The following TEAD1 variants were observed in gnomAD, a reference collection of about 807,000 sequenced individuals.
TEAD1 encodes TEA domain transcription factor 1.
Under a neutral mutation model 54.9 loss-of-function variants are expected in TEAD1, and 9 were observed. That is an observed-to-expected ratio of 0.16 (90% CI 0.10 to 0.29). The LOEUF (loss-of-function observed/expected upper bound fraction) is 0.29, where lower values mean the gene tolerates loss of function less well. Ranked by LOEUF, TEAD1 falls within the 10% of genes least tolerant of loss-of-function variation. The pLI is 1.00. For missense variants in TEAD1, 387 were observed against 535.9 expected, an observed-to-expected ratio of 0.72 and a Z score of 2.74; for synonymous variants, 200 against 187.8, an observed-to-expected ratio of 1.07 and a Z score of -0.53.
At chr11:12,915,573 C>T (rs2134148847) in intron 10 of TEAD1, among the ~76,000 whole-genome samples, 1 of 152,314 alleles carries the variant, frequency 6.6e-6, no homozygotes, top group East Asian at 1.9e-4. Flanking sequence ...GATGGCTGGG[C>T]ATGGTGGCCC....
chr11:12,694,439 A>G (rs1200172305), intron 2 of TEAD1, among the ~76,000 whole-genome samples: 2 of 150,894 alleles, frequency 1.3e-5, no homozygotes, highest in Admixed American at 6.6e-5. Flanking sequence ...GTTTCACGCC[A>G]GTCTTCCTGA....
At chr11:12,694,987 A>C (rs1189533607) in intron 2 of TEAD1, among the ~76,000 whole-genome samples, 2 of 152,258 alleles carry the variant, frequency 1.3e-5, no homozygotes, top group Non-Finnish European at 2.9e-5. Flanking sequence ...CATAGCTGGC[A>C]ATAGCTCAGA....
chr11:12,897,048 A>G (rs1455273363), intron 9 of TEAD1, among the ~76,000 whole-genome samples: 1 of 152,192 alleles, frequency 6.6e-6, no homozygotes, highest in Non-Finnish European at 1.5e-5. Context: ...TATTGAGGAA[A>G]TCGAGTCTTG....
intron 3 of TEAD1, among the ~76,000 whole-genome samples, chr11:12,814,925 T>G (rs1946385346): frequency 6.6e-6 from 1 of 151,828 alleles, no homozygotes; most frequent in Non-Finnish European, 1.5e-5. Flanking sequence ...GAATGCTGCC[T>G]CCACGTGGGC....
chr11:12,760,704 C>G (rs1172939263), intron 2 of TEAD1, among the ~76,000 whole-genome samples: 1 of 152,118 alleles, frequency 6.6e-6, no homozygotes, highest in Non-Finnish European at 1.5e-5. Flanking sequence ...TTGGCCAATT[C>G]CACACATTTT....
chr11:12,877,974 T>TGTG (rs1438307714), intron 5 of TEAD1, among the ~76,000 whole-genome samples: 10 of 150,746 alleles, frequency 6.6e-5, no homozygotes, highest in African/African-American at 1.2e-4. Context: ...ATTTTTTTTT[T>TGTG]TGTGTGTGTG....
chr11:12,911,153 A>G (rs1210428693), intron 10 of TEAD1, among the ~76,000 whole-genome samples: 1 of 152,244 alleles, frequency 6.6e-6, no homozygotes, highest in Non-Finnish European at 1.5e-5. Context: ...AGGGGAAGCA[A>G]GTTACCTGGA....
At chr11:12,719,968 TTTTTTTTTTTTTTTTTTTTTTTTTTTGGG>T (rs1944154141) in intron 2 of TEAD1, among the ~76,000 whole-genome samples, 1 of 61,326 alleles carries the variant, frequency 1.6e-5, no homozygotes, top group African/African-American at 7.4e-5. Flanking sequence ...TTTTTTTTTT[TTTTTTTTTTTTTTTTTTTTTTTTTTTGGG>T]GGGGGACCCA....
chr11:12,906,491 A>G (rs1948523135), intron 10 of TEAD1, among the ~76,000 whole-genome samples: 1 of 151,668 alleles, frequency 6.6e-6, no homozygotes, highest in East Asian at 1.9e-4. Flanking sequence ...CAGTGAGCCA[A>G]AGATCACGCC....
intron 2 of TEAD1, among the ~76,000 whole-genome samples, chr11:12,733,185 A>T (rs899443177): frequency 3.9e-5 from 6 of 152,180 alleles, no homozygotes; most frequent in African/African-American, 1.4e-4. Flanking sequence ...CACACATAAG[A>T]CAGTATTAGG....
At chr11:12,838,125 G>A (rs1296575847) in intron 3 of TEAD1, among the ~76,000 whole-genome samples, 1 of 152,108 alleles carries the variant, frequency 6.6e-6, no homozygotes, top group Non-Finnish European at 1.5e-5. Context: ...AGACAATACT[G>A]TCACTTAATG....
At chr11:12,911,904 CCT>C (rs1439035968) in intron 10 of TEAD1, among the ~76,000 whole-genome samples, 1 of 151,930 alleles carries the variant, frequency 6.6e-6, no homozygotes, top group Admixed American at 6.6e-5. Flanking sequence ...GGGAGCGTAC[CCT>C]GTCTGTGGCC....
Position 12,918,868 on chromosome 11 carries a change from A to G in TEAD1, c.874-6044A>G, listed in dbSNP as rs1411371741. ...GAGTCTCACAAATAAAATGCTGAGTAAACAAAACTAAACACTGTAAACCCT... is the reference window on the plus strand; with the variant it reads ...GAGTCTCACAAATAAAATGCTGAGTGAACAAAACTAAACACTGTAAACCCT... On this transcript the variant is annotated intron_variant, in intron 10 of 12. Coordinates refer to ENST00000527636, the MANE Select transcript of TEAD1 (RefSeq NM_021961.6). Among the ~76,000 whole-genome samples, 5 of 152,252 alleles carry G rather than the reference A, an allele frequency of 3.3e-5. No homozygotes were observed. In the East Asian group the frequency reaches 9.6e-4, roughly 29 times the overall value.
intron 2 of TEAD1, among the ~76,000 whole-genome samples, chr11:12,680,380 C>T (rs977311317): frequency 2.0e-5 from 3 of 152,322 alleles, no homozygotes; most frequent in East Asian, 1.9e-4. Context: ...GCGGAGAGCC[C>T]GCGGAAACCA....
At chr11:12,739,996 A>G (rs753402378) in intron 2 of TEAD1, among the ~76,000 whole-genome samples, 11 of 152,224 alleles carry the variant, frequency 7.2e-5, no homozygotes. Flanking sequence ...TAGCTATTGA[A>G]TCGGCCTCTG....
At chr11:12,781,966 A>AG (rs1564937697) in intron 3 of TEAD1, among the ~76,000 whole-genome samples, 3 of 142,020 alleles carry the variant, frequency 2.1e-5, no homozygotes, top group African/African-American at 9.1e-5. Context: ...AAAAAAAAAA[A>AG]AAAAAGAAAG....
At chr11:12,795,251 A>C (rs1041577354) in intron 3 of TEAD1, among the ~76,000 whole-genome samples, 4 of 152,166 alleles carry the variant, frequency 2.6e-5, no homozygotes, top group African/African-American at 9.7e-5. Context: ...ATTCTCTCCT[A>C]GGGTTGTCGT....
At chr11:12,873,703 C>A (rs1230621994) in intron 5 of TEAD1, among the ~76,000 whole-genome samples, 1 of 152,088 alleles carries the variant, frequency 6.6e-6, no homozygotes, top group African/African-American at 2.4e-5. Context: ...AATTAGAGAT[C>A]ATAGCTAGAA....
chr11:12,814,226 G>A (rs1015766200), intron 3 of TEAD1, among the ~76,000 whole-genome samples: 8 of 152,192 alleles, frequency 5.3e-5, no homozygotes, highest in African/African-American at 9.7e-5. Context: ...CCACGCTCAG[G>A]GGACCTGGAC....
Sources: allele counts gnomAD v4.1 joint callset (sites outside exome capture counted in the v4.1 genomes callset), GRCh38; gene constraint gnomAD v4.1.1; transcripts MANE v1.5; gene names NCBI Gene and HGNC (gene_info 2026-07-23, HGNC 2026-07-21).